Variants in CSMD3 observed in about 807,000 individuals in gnomAD.
CSMD3 encodes CUB and Sushi multiple domains 3.
Under a neutral mutation model 435.2 loss-of-function variants are expected in CSMD3, and 177 were observed. The observed-to-expected ratio is 0.41, with a 90% CI of 0.36 to 0.46. The LOEUF is 0.46. Among genes scored for constraint, CSMD3 ranks in the 20% least tolerant of loss-of-function variants. The pLI, the probability that CSMD3 is intolerant of heterozygous loss-of-function variation, is 0.34. For synonymous variants in CSMD3, 1,656 were observed against 1,520.5 expected, an observed-to-expected ratio of 1.09 and a Z score of -2.07; for missense variants, 4,265 against 4,504.6, an observed-to-expected ratio of 0.95 and a Z score of 1.52.
At chr8:113,296,620 T>A (rs886206626) in intron 2 of CSMD3, among the ~76,000 whole-genome samples, 40 of 152,260 alleles carry the variant, frequency 2.6e-4, no homozygotes, top group Non-Finnish European at 4.7e-4. Context: ...GACCAGATTC[T>A]AGAAGGGATT....
intron 31 of CSMD3, among the ~76,000 whole-genome samples, chr8:112,480,691 T>C (rs1372571712): frequency 6.6e-6 from 1 of 152,110 alleles, no homozygotes; most frequent in Non-Finnish European, 1.5e-5. Flanking sequence ...TCCACCATGA[T>C]TGGAAGCCTT....
chr8:112,930,898 C>A (rs111381374), intron 9 of CSMD3, among the ~76,000 whole-genome samples: 5,124 of 152,094 alleles, frequency 0.034, 147 homozygotes, highest in Middle Eastern at 0.051. Flanking sequence ...TATGGAGGTG[C>A]TGACAAGGAA....
chr8:112,679,799 C>T (rs1050816715), intron 16 of CSMD3, among the ~76,000 whole-genome samples: 3 of 152,128 alleles, frequency 2.0e-5, no homozygotes, highest in Non-Finnish European at 4.4e-5. Context: ...CTGTATGTGT[C>T]GACTGAGATT....
chr8:113,048,967 C>T (rs1204379706), intron 5 of CSMD3, among the ~76,000 whole-genome samples: 1 of 152,020 alleles, frequency 6.6e-6, no homozygotes, highest in Non-Finnish European at 1.5e-5. Context: ...AGTCAAATGA[C>T]TTCAGGCCGG....
rs1321644694 is a variant in CSMD3, at chr8:113,031,221, A to G, written c.918-12042T>C. Among the ~76,000 whole-genome samples the G allele has an allele frequency of 7.3e-5, 11 of 151,678 alleles. 1 individual carries two copies. The highest frequency in any genetic ancestry group is 7.2e-4 in the Admixed American group (11 of 15,204). On this transcript the variant is annotated intron_variant, in intron 5 of 70. Coordinates refer to ENST00000297405, the MANE Select transcript of CSMD3 (RefSeq NM_198123.2). ...AATCTTCAAAGTAGCTTTACTTATAATAGCCCAAACTTTAAAGAACACAAA... is the reference window on the plus strand; with the variant it reads ...AATCTTCAAAGTAGCTTTACTTATAGTAGCCCAAACTTTAAAGAACACAAA...
At chr8:112,645,023 A>G in intron 20 of CSMD3, 86 bp downstream of exon 20, 1 of 812,646 alleles carries the variant, frequency 1.2e-6, no homozygotes, top group Non-Finnish European at 2.2e-6. Context: ...GCTCATGCAA[A>G]ATAACATGTA....
rs1213027275 is a variant in CSMD3 at position 112,365,483 on chromosome 8, T to A, written c.6137-12949A>T. Among the ~76,000 whole-genome samples the A allele has an allele frequency of 3.2e-3, 485 of 149,812 alleles. 6 individuals carry two copies. Among genetic ancestry groups the A allele is most frequent in the African/African-American group, 0.012 (473 of 41,128 alleles). On this transcript the variant is annotated intron_variant, in intron 38 of 70. Coordinates refer to ENST00000297405, the MANE Select transcript of CSMD3 (RefSeq NM_198123.2). ...CATAGATTTCCTTTTTTTTTTTTTT[T>A]TTTTTTTTTACCAAATGGACTTCTA...
chr8:112,644,348 TATTA>T (rs1164666334), intron 20 of CSMD3, among the ~76,000 whole-genome samples: 1 of 151,940 alleles, frequency 6.6e-6, no homozygotes, highest in African/African-American at 2.4e-5. Context: ...CAGTCCCTCT[TATTA>T]AGCAGTAAGA....
Position 112,311,182 on chromosome 8 carries a change from A to G in CSMD3, c.7697-16T>C. 6.2e-7 allele frequency: 1 copy of G among 1,604,004 alleles called. No homozygotes were observed. Among genetic ancestry groups the G allele is most frequent in the African/African-American group, 1.3e-5 (1 of 74,838 alleles). The stretch of plus-strand genomic sequence containing the variant: ...CAGTAGAAAGCTTTTCAAAAGAAAA[A>G]AAAAATGCTGTTTAATTAATGAATC... On this transcript the variant is annotated splice_polypyrimidine_tract_variant and intron_variant, in intron 49 of 70. Transcript: ENST00000297405.
intron 3 of CSMD3, among the ~76,000 whole-genome samples, chr8:113,246,231 T>G (rs188680848): frequency 6.6e-6 from 1 of 152,042 alleles, no homozygotes; most frequent in Non-Finnish European, 1.5e-5. Context: ...CACTTTATTG[T>G]GTACCACAAG....
intron 11 of CSMD3, among the ~76,000 whole-genome samples, chr8:112,854,384 T>C (rs1364674402): frequency 3.3e-5 from 5 of 152,112 alleles, no homozygotes; most frequent in African/African-American, 1.2e-4. Context: ...AAAACAAAAT[T>C]TGTGGGGAGA....
intron 11 of CSMD3, among the ~76,000 whole-genome samples, chr8:112,848,081 T>C (rs901844343): frequency 2.6e-5 from 4 of 152,142 alleles, no homozygotes; most frequent in Admixed American, 2.6e-4. Context: ...AATTTAAGTT[T>C]GGGGCAAGTG....
intron 5 of CSMD3, among the ~76,000 whole-genome samples, chr8:113,070,009 A>C (rs1190259804): frequency 6.6e-6 from 1 of 152,060 alleles, no homozygotes; most frequent in Non-Finnish European, 1.5e-5. Context: ...GAGATGCTGG[A>C]GTTAATTTGT....
rs371882722 is a variant in CSMD3, at chr8:112,420,924, G to A, written c.5396-11892C>T. Among the ~76,000 whole-genome samples the A allele has an allele frequency of 2.4e-4, 36 of 152,180 alleles. No homozygotes were observed. In the South Asian group the frequency reaches 7.5e-3, roughly 32 times the overall value. On this transcript the variant is annotated intron_variant, in intron 32 of 70. Coordinates refer to ENST00000297405, the MANE Select transcript of CSMD3 (RefSeq NM_198123.2). ...TCATTGAATTCTTTAACTCCACTCT[G>A]CATGTTGCCTCCTACGCACACTCTG...
intron 11 of CSMD3, among the ~76,000 whole-genome samples, chr8:112,840,725 A>G (rs888357636): frequency 2.6e-5 from 4 of 151,742 alleles, no homozygotes; most frequent in Non-Finnish European, 5.9e-5. Flanking sequence ...TAATAAAAAA[A>G]GAGTGAGGAA....
In CSMD3 at chr8:112,550,853, T is replaced by C; in HGVS notation, c.4382A>G (p.Asp1461Gly). 1 of 1,611,756 alleles carries C rather than the reference T, an allele frequency of 6.2e-7. No individual in the cohort carries two copies. Among genetic ancestry groups the C allele is most frequent in the Admixed American group, 1.7e-5 (1 of 59,866 alleles). ...NIVSLQFLAFDTEASHDILRV... is the reference protein window; with the variant it reads ...NIVSLQFLAFGTEASHDILRV... ...GAGTATATCATGTGATGCTTCCGTA[T>C]CAAAAGCAAGAAACTGCAAGCTGTG... The change falls in exon 27 of 71, where the codon GAT becomes GGT. Residue 1461 changes from aspartate to glycine, a missense_variant. By Grantham distance (94) the Asp-to-Gly change is moderately conservative. This residue lies in a region of CSMD3 where 3,255 missense variants were observed against 3,380.2 expected (regional missense o/e 0.96). Transcript: ENST00000297405.
intron 57 of CSMD3, among the ~76,000 whole-genome samples, chr8:112,289,154 G>GT (rs1293280619): frequency 6.6e-6 from 1 of 151,976 alleles, no homozygotes; most frequent in Non-Finnish European, 1.5e-5. Context: ...ACACAAACTT[G>GT]TAATTTATCA....
At chr8:112,330,515 G>T (rs1563798430) in intron 45 of CSMD3, among the ~76,000 whole-genome samples, 1 of 152,008 alleles carries the variant, frequency 6.6e-6, no homozygotes, top group Non-Finnish European at 1.5e-5. Flanking sequence ...CTAGTCGCCT[G>T]GTTATTTTGA....
At chr8:112,865,297 T>C (rs1418220149) in intron 10 of CSMD3, among the ~76,000 whole-genome samples, 2 of 152,122 alleles carry the variant, frequency 1.3e-5, no homozygotes, top group Admixed American at 1.3e-4. Flanking sequence ...AAGGACATGA[T>C]TCACAGGTTA....
Sources: allele counts gnomAD v4.1 joint callset (sites outside exome capture counted in the v4.1 genomes callset), GRCh38; gene constraint gnomAD v4.1.1; regional missense constraint gnomAD v4.1.1; transcripts MANE v1.5; gene names NCBI Gene and HGNC (gene_info 2026-07-23, HGNC 2026-07-21).